IPO5: variants seen among roughly 807,000 people sequenced by gnomAD.
IPO5 encodes importin 5.
Under a neutral mutation model 143.3 loss-of-function variants are expected in IPO5, and 18 were observed. That is an observed-to-expected ratio of 0.13 (90% CI 0.09 to 0.19). IPO5 has a LOEUF of 0.19. Ranked by LOEUF, IPO5 falls within the 10% of genes least tolerant of loss-of-function variation. The pLI, the probability that IPO5 is intolerant of heterozygous loss-of-function variation, is 1.00. For synonymous variants in IPO5, 477 were observed against 465.7 expected (o/e 1.02, Z -0.31); for missense variants, 1,013 against 1,336.9 (o/e 0.76, Z 3.78).
chr13:97,969,681 A>C lies in IPO5; in HGVS notation c.-112-42A>C, dbSNP rs529826931. The stretch of plus-strand genomic sequence containing the variant: ...TTTAAGAATATCATCTTCAAAATTA[A>C]GTACCATCTAATGGTCCACCATTCT... On this transcript the variant is annotated intron_variant, in intron 2 of 28. Transcript: ENST00000651721. 171 of 819,944 alleles carry C rather than the reference A, an allele frequency of 2.1e-4. No homozygotes were observed. The African/African-American group carries it at 2.7e-3, about 13-fold the overall frequency. 50.8% of individuals were successfully genotyped at this position (819,944 alleles called of 1,614,324 possible).
At position 97,985,341 on chromosome 13, in the gene IPO5, T is replaced by C. The variant is rs1887240801; in HGVS notation, c.172-80T>C. 4.2e-6 allele frequency: 5 copies of C among 1,180,258 alleles called. No homozygotes were observed. The African/African-American group carries it at 6.1e-5, about 15-fold the overall frequency. The allele number at this position is 1,180,258 out of a possible 1,614,324, so 73.1% of individuals were successfully genotyped here. A position where few individuals can be genotyped will look rare whatever the true frequency, so the allele number is the denominator to read the frequency against. ...TTTACTTCTTTAGAAAATTAGGCGC[T>C]TTTGAAATATAAAAATACAACAGTG... On this transcript the variant is annotated intron_variant, in intron 5 of 28. Transcript: ENST00000651721.
At position 98,021,771 on chromosome 13, in the gene IPO5, G is replaced by A. The variant is rs768484822; in HGVS notation, c.3243G>A (p.Gln1081=). Residue 1081 remains glutamine (Q), a synonymous_variant, in exon 29 of 29, where the codon CAG becomes CAA. Transcript: ENST00000651721. The part of the protein sequence containing the change: ...SGGLWTECIA[Q]LSPEQQAAIQ... ...GACTGTGGACTGAGTGCATAGCACA[G>A]CTCAGTCCTGAGCAGCAGGCCGCCA... 13 of 1,600,172 alleles carry A rather than the reference G, an allele frequency of 8.1e-6. No homozygotes were observed. In the East Asian group the frequency reaches 2.2e-4, roughly 28 times the overall value.
chr13:97,998,227 G>T (rs993426671), intron 12 of IPO5, among the ~76,000 whole-genome samples: 3 of 152,142 alleles, frequency 2.0e-5, no homozygotes, highest in South Asian at 2.1e-4. Context: ...CGCCCGCCTC[G>T]GCCTCCCAAA....
intron 2 of IPO5, among the ~76,000 whole-genome samples, chr13:97,956,024 C>T (rs1352785538): frequency 6.6e-6 from 1 of 151,392 alleles, no homozygotes; most frequent in African/African-American, 2.4e-5. Flanking sequence ...CCCAGCTACT[C>T]TGGAGGCTGA....
chr13:98,009,950 C>G lies in IPO5; in HGVS notation c.1870C>G (p.Pro624Ala). ...ILGKEFQQYL[P>A]VVMGPLMKTA... is the part of the protein sequence containing the mutation. ...TGGAAAAGAATTTCAGCAATACCTT[C>G]CAGTGGTTATGGGGCCTTTAATGAA... The change falls in exon 19 of 29, where the codon CCA becomes GCA. Residue 624 changes from proline (P) to alanine (A), a missense_variant. Coordinates refer to ENST00000651721, the MANE Select transcript of IPO5 (RefSeq NM_002271.6). 1 of 1,614,014 alleles carries G rather than the reference C, an allele frequency of 6.2e-7. No individual in the cohort carries two copies. The highest frequency in any genetic ancestry group is 8.5e-7 in the Non-Finnish European group (1 of 1,179,920).
intron 3 of IPO5, among the ~76,000 whole-genome samples, chr13:97,974,746 T>TTTG (rs1249061003): frequency 6.7e-6 from 1 of 149,714 alleles, no homozygotes; most frequent in Non-Finnish European, 1.5e-5. Flanking sequence ...TGCATAGTGG[T>TTTG]TTGTCTAGAA....
chr13:98,002,843 C>G, intron 15 of IPO5, 21 bp from the exon 16 acceptor site: 1 of 1,604,486 alleles, frequency 6.2e-7, no homozygotes, highest in Admixed American at 1.7e-5. Flanking sequence ...ACATGTGTGC[C>G]CATTTGGTTT....
chr13:97,960,139 GCCAATAGCT>G (rs1437860526), intron 2 of IPO5: 2 of 152,206 alleles, frequency 1.3e-5, no homozygotes, highest in African/African-American at 4.8e-5. Context: ...AATCCATGCT[GCCAATAGCT>G]CCAACTATGA....
At chr13:97,963,611 G>A (rs973694318) in intron 2 of IPO5, among the ~76,000 whole-genome samples, 1 of 151,902 alleles carries the variant, frequency 6.6e-6, no homozygotes, top group African/African-American at 2.4e-5. Flanking sequence ...CTCATGATCT[G>A]CCCGCCTCAG....
Position 98,021,045 on chromosome 13 carries a change from G to A in IPO5, c.3119G>A (p.Ser1040Asn), listed in dbSNP as rs780618442. ...PNNTNLPKIF[S>N]IIAEGEMHEA... ...AATACCAATCTGCCCAAAATATTTA[G>A]TATAATTGCGGAAGGAGAAATGCAC... Residue 1040 changes from serine (S) to asparagine (N), a missense_variant, in exon 28 of 29, where the codon AGT (serine) becomes AAT (asparagine). Around this residue, in one of 2 missense-constraint regions of IPO5, gnomAD observed 685 missense variants for 994.9 expected, o/e 0.69. Transcript: ENST00000651721. The A allele has an allele frequency of 2.5e-6, 4 of 1,611,456 alleles. No individual in the cohort carries two copies. Among genetic ancestry groups the A allele is most frequent in the South Asian group, 1.1e-5 (1 of 90,616 alleles).
chr13:97,959,496 G>A (rs1275442745), intron 2 of IPO5, among the ~76,000 whole-genome samples: 8 of 152,034 alleles, frequency 5.3e-5, no homozygotes, highest in African/African-American at 1.2e-4. Context: ...TTGGGAGGCC[G>A]AGGCGGGTGG....
intron 2 of IPO5, among the ~76,000 whole-genome samples, chr13:97,961,750 T>C (rs1245705399): frequency 6.6e-6 from 1 of 152,188 alleles, no homozygotes; most frequent in Non-Finnish European, 1.5e-5. Context: ...TATTCAAATG[T>C]TTTACCCATT....
rs752980381 is a variant in IPO5 at position 98,012,308 on chromosome 13, G to C, written c.2118G>C (p.Leu706=). The change falls in exon 21 of 29, where the codon CTG becomes CTC. Residue 706 remains leucine (L), a synonymous_variant. Transcript: ENST00000651721. ...AGTACACCGAACAGGTTGTCAAACTGATGGTCCCTTTACTGAAATTTTATT... is the reference window on the plus strand; with the variant it reads ...AGTACACCGAACAGGTTGTCAAACTCATGGTCCCTTTACTGAAATTTTATT... The part of the protein sequence containing the change: ...FVEYTEQVVK[L]MVPLLKFYFH... The C allele has an allele frequency of 6.2e-7, 1 of 1,611,346 alleles. No homozygotes were observed. The highest frequency in any genetic ancestry group is 1.1e-5 in the South Asian group (1 of 91,018).
chr13:97,987,751 C>T (rs1887491335), intron 6 of IPO5, among the ~76,000 whole-genome samples: 2 of 152,208 alleles, frequency 1.3e-5, no homozygotes, highest in Non-Finnish European at 2.9e-5. Context: ...GGTCTGCCCA[C>T]CTTGGCCTCC....
intron 24 of IPO5, 25 bp downstream of exon 24, chr13:98,015,806 C>T (rs1404299243): frequency 6.7e-7 from 1 of 1,490,954 alleles, no homozygotes; most frequent in Non-Finnish European, 9.2e-7. Flanking sequence ...TTGGAACTTA[C>T]TTACGTGACC....
chr13:97,975,428 T>C (rs943858183), intron 3 of IPO5, among the ~76,000 whole-genome samples: 8 of 152,002 alleles, frequency 5.3e-5, no homozygotes, highest in African/African-American at 1.7e-4. Context: ...GAGGCAGAGG[T>C]TGCACTAAAC....
intron 6 of IPO5, among the ~76,000 whole-genome samples, chr13:97,986,387 C>T (rs1887350181): frequency 1.3e-5 from 2 of 151,258 alleles, no homozygotes. Context: ...CGGAGTTTCG[C>T]TCTTATTGCC....
At chr13:97,985,366 GAAATACA>G in intron 5 of IPO5, 48 bp from the exon 6 acceptor site, 3 of 1,385,560 alleles carry the variant, frequency 2.2e-6, no homozygotes, top group Non-Finnish European at 3.1e-6. Flanking sequence ...ATACAACAGT[GAAATACA>G]TCAATGGCAG....
intron 2 of IPO5, among the ~76,000 whole-genome samples, chr13:97,961,513 CA>C (rs1324557293): frequency 6.6e-6 from 1 of 152,182 alleles, no homozygotes; most frequent in Non-Finnish European, 1.5e-5. Context: ...GACTGTTTTC[CA>C]AATTGGCTGT....
Sources: allele counts gnomAD v4.1 joint callset (sites outside exome capture counted in the v4.1 genomes callset), GRCh38; gene constraint gnomAD v4.1.1; regional missense constraint gnomAD v4.1.1; transcripts MANE v1.5; gene names NCBI Gene and HGNC (gene_info 2026-07-23, HGNC 2026-07-21).